MEIS1: variants seen among roughly 807,000 people sequenced by gnomAD.
The protein encoded by MEIS1 is homeobox protein Meis1.
In MEIS1, 5 loss-of-function variants were observed where a neutral mutation model predicts 50.8. That is an observed-to-expected ratio of 0.10 (90% confidence interval 0.05 to 0.21). The LOEUF is 0.21. MEIS1 is among the 10% of genes least tolerant of loss of function. MEIS1 has a pLI of 1.00. For missense variants in MEIS1, 318 were observed against 517.3 expected (o/e 0.61, Z 3.74); for synonymous variants, 176 against 179.3 (o/e 0.98, Z 0.15).
rs1246055980 is a variant in MEIS1 at position 66,572,381 on chromosome 2, T to A, written c.*1173T>A. 1 of 152,224 alleles carries A rather than the reference T, an allele frequency of 6.6e-6. No individual in the cohort carries two copies. The highest frequency in any genetic ancestry group is 2.4e-5 in the African/African-American group (1 of 41,458). The allele number at this position is 152,224 out of a possible 1,614,324, so 9.4% of individuals were successfully genotyped here. On this transcript the variant is annotated 3_prime_UTR_variant, in exon 13 of 13. Transcript: ENST00000272369. ...GAGCAAAGCATCGGTCATGTGTGTA[T>A]TTTTTCATAGTCCCACCTTGGAGCA... is the stretch of plus-strand genomic sequence containing the variant.
At chr2:66,461,989 A>G in intron 6 of MEIS1, 1 of 422,740 alleles carries the variant, frequency 2.4e-6, no homozygotes, top group South Asian at 1.8e-5. Context: ...TGAATTTACT[A>G]AACAATTAAG....
chr2:66,480,189 A>G (rs1237488819), intron 7 of MEIS1, among the ~76,000 whole-genome samples: 1 of 152,238 alleles, frequency 6.6e-6, no homozygotes, highest in Non-Finnish European at 1.5e-5. Flanking sequence ...AATACAACCA[A>G]TAATTTAATG....
Position 66,473,031 on chromosome 2 carries a change from G to A in MEIS1, c.742+8811G>A, listed in dbSNP as rs577031803. ...TAAAACCCACAGGACTACAAGGGCAGTGAATTGTATTAAAATTCAATCTTC... is the reference window on the plus strand; with the variant it reads ...TAAAACCCACAGGACTACAAGGGCAATGAATTGTATTAAAATTCAATCTTC... On this transcript the variant is annotated intron_variant, in intron 7 of 12. Coordinates refer to ENST00000272369, the MANE Select transcript of MEIS1 (RefSeq NM_002398.3). Among the ~76,000 whole-genome samples, 9 of 152,258 alleles carry A rather than the reference G, an allele frequency of 5.9e-5. No individual in the cohort carries two copies. In the East Asian group the frequency reaches 9.7e-4, roughly 16 times the overall value.
At chr2:66,520,065 A>G (rs1434428516) in intron 8 of MEIS1, among the ~76,000 whole-genome samples, 2 of 152,184 alleles carry the variant, frequency 1.3e-5, no homozygotes, top group South Asian at 2.1e-4. Context: ...TGGGATGTCC[A>G]GAGACCAGCA....
intron 9 of MEIS1, among the ~76,000 whole-genome samples, chr2:66,551,417 A>C (rs1040052011): frequency 6.6e-6 from 1 of 152,166 alleles, no homozygotes; most frequent in Non-Finnish European, 1.5e-5. Flanking sequence ...TGGAAAAAAG[A>C]AAATCTCGTT....
intron 11 of MEIS1, 54 bp downstream of exon 11, chr2:66,568,810 C>T (rs1675414767): frequency 6.9e-7 from 1 of 1,450,838 alleles, no homozygotes; most frequent in Non-Finnish European, 9.7e-7. Flanking sequence ...GAGTGTCATC[C>T]CCTCATCAAC....
In MEIS1 at chr2:66,508,516, G is replaced by A. The variant is rs373062536; in HGVS notation, c.743-3633G>A. On this transcript the variant is annotated intron_variant, in intron 7 of 12. Coordinates refer to ENST00000272369, the MANE Select transcript of MEIS1 (RefSeq NM_002398.3). The stretch of plus-strand genomic sequence containing the variant: ...ATCAGAGCCCAGGAAGTTGCAGGGA[G>A]AGGATTTCTGCATTAGAATGTTGCA... 1.0e-3 allele frequency among the ~76,000 whole-genome samples: 155 copies of A among 152,344 alleles called. No individual in the cohort carries two copies. In the Middle Eastern group the frequency reaches 0.014, roughly 13 times the overall value.
intron 6 of MEIS1, among the ~76,000 whole-genome samples, chr2:66,448,631 A>G (rs1408918495): frequency 6.6e-6 from 1 of 152,188 alleles, no homozygotes; most frequent in Non-Finnish European, 1.5e-5. Flanking sequence ...CAACAACAAT[A>G]TTTTCTTATG....
rs1465469328 is a variant in MEIS1, at chr2:66,573,623, CT to C, written c.*2417del. ...CATTCTCACCTTTTGCTGATGGGGCCTTGTTTCTAAACACGTGGATGCGCAG... is the reference window on the plus strand; with the variant it reads ...CATTCTCACCTTTTGCTGATGGGGCCTGTTTCTAAACACGTGGATGCGCAG... On this transcript the variant is annotated 3_prime_UTR_variant, in exon 13 of 13. Transcript: ENST00000272369. The C allele has an allele frequency of 2.0e-5, 3 of 152,186 alleles. No individual in the cohort carries two copies. The highest frequency in any genetic ancestry group is 2.0e-4 in the Admixed American group (3 of 15,278). 9.4% of individuals were successfully genotyped at this position (152,186 alleles called of 1,614,324 possible).
At chr2:66,439,678 G>T (rs1016444907) in intron 2 of MEIS1, 165 bp from the exon 3 acceptor site, 5 of 1,540,060 alleles carry the variant, frequency 3.2e-6, no homozygotes, top group South Asian at 1.2e-5. Context: ...GGAGGTGAGC[G>T]GTCACCTGGG....
chr2:66,489,425 A>C (rs1381658809), intron 7 of MEIS1, among the ~76,000 whole-genome samples: 1 of 152,194 alleles, frequency 6.6e-6, no homozygotes, highest in East Asian at 1.9e-4. Flanking sequence ...TTTCAGGTTG[A>C]TTCTTAATAT....
chr2:66,466,123 G>T (rs1337972822), intron 7 of MEIS1, among the ~76,000 whole-genome samples: 1 of 152,168 alleles, frequency 6.6e-6, no homozygotes, highest in Non-Finnish European at 1.5e-5. Context: ...GAGTAAGTGG[G>T]TCTATCCCCA....
chr2:66,502,842 C>T (rs1031962696), intron 7 of MEIS1, among the ~76,000 whole-genome samples: 2 of 152,172 alleles, frequency 1.3e-5, no homozygotes. Flanking sequence ...CTTCTTCCCC[C>T]TTATTCTTAT....
chr2:66,495,080 CTTTT>C (rs70943701), intron 7 of MEIS1, among the ~76,000 whole-genome samples: 1 of 91,516 alleles, frequency 1.1e-5, no homozygotes, highest in African/African-American at 4.2e-5. Flanking sequence ...CTCTTCTGAC[CTTTT>C]TTTTTTTTTT....
Position 66,437,801 on chromosome 2 carries a change from A to C in MEIS1, c.77A>C (p.Asp26Ala), listed in dbSNP as rs1384947428. 1 of 1,613,810 alleles carries C rather than the reference A, an allele frequency of 6.2e-7. No individual in the cohort carries two copies. The highest frequency in any genetic ancestry group is 2.2e-5 in the East Asian group (1 of 44,860). ...GGCATCCCCTCCACGATGTATGGGG[A>C]CCCGCATGCAGCCAGGTCCATGCAG... ...GVGIPSTMYG[D>A]PHAARSMQPV... Residue 26 changes from aspartate (D) to alanine (A), a missense_variant, in exon 2 of 13, where the codon GAC (aspartate) becomes GCC (alanine). Asp to Ala is a moderately radical substitution (Grantham distance 126). Around this residue, in one of 6 missense-constraint regions of MEIS1, gnomAD observed 100 missense variants for 107.1 expected, o/e 0.93. Transcript: ENST00000272369.
chr2:66,473,293 G>T (rs35588463), intron 7 of MEIS1, among the ~76,000 whole-genome samples: 3 of 148,058 alleles, frequency 2.0e-5, no homozygotes, highest in Non-Finnish European at 3.0e-5. Flanking sequence ...CAGGAGAATC[G>T]CTTGAATCTG....
chr2:66,492,095 T>A (rs2056273), intron 7 of MEIS1, among the ~76,000 whole-genome samples: 45,087 of 147,948 alleles, frequency 0.3, 9,963 homozygotes, highest in African/African-American at 0.63. Flanking sequence ...GTGTGTCTGC[T>A]TGCATGTGTG....
At chr2:66,447,371 A>G (rs1672177374) in intron 6 of MEIS1, among the ~76,000 whole-genome samples, 1 of 152,230 alleles carries the variant, frequency 6.6e-6, no homozygotes, top group South Asian at 2.1e-4. Flanking sequence ...TGCAAGTGAT[A>G]AAGTCTTAGC....
chr2:66,487,393 T>C (rs1382198230), intron 7 of MEIS1, among the ~76,000 whole-genome samples: 1 of 152,194 alleles, frequency 6.6e-6, no homozygotes, highest in Non-Finnish European at 1.5e-5. Flanking sequence ...TATATTACCA[T>C]GTGTTCTTCA....
Sources: allele counts gnomAD v4.1 joint callset (sites outside exome capture counted in the v4.1 genomes callset), GRCh38; gene constraint gnomAD v4.1.1; regional missense constraint gnomAD v4.1.1; transcripts MANE v1.5; gene names NCBI Gene and HGNC (gene_info 2026-07-23, HGNC 2026-07-21).